Variants in F5 observed in about 807,000 individuals in gnomAD.
The protein encoded by F5 is coagulation factor V, also known as activated protein c cofactor.
Under a neutral mutation model 216.4 loss-of-function variants are expected in F5, and 138 were observed. The ratio of observed to expected loss-of-function variants is 0.64; its 90% confidence interval spans 0.56 to 0.73. The LOEUF (loss-of-function observed/expected upper bound fraction) is 0.73. F5 is among the 30% of genes least tolerant of loss of function. The pLI is 0.00. For missense variants in F5, 2,403 were observed against 2,674.0 expected (o/e 0.90, Z 2.24); for synonymous variants, 916 against 930.7 (o/e 0.98, Z 0.29).
In F5 at chr1:169,560,691, T is replaced by C. The variant is rs1295008658; in HGVS notation, c.449A>G (p.Tyr150Cys). The change falls in exon 4 of 25, where the codon TAT (tyrosine) becomes TGT (cysteine). Residue 150 changes from tyrosine (Y) to cysteine (C), a missense_variant. Tyr to Cys is a radical substitution (Grantham distance 194). This residue lies in a region of F5 where 1,425 missense variants were observed against 1,554.8 expected (regional missense o/e 0.92). Coordinates refer to ENST00000367797, the MANE Select transcript of F5 (RefSeq NM_000130.5). Reference protein sequence around the residue: ...DAVAPGREYTYEWSISEDSGP... With the variant: ...DAVAPGREYTCEWSISEDSGP... ...ACTGTCCTCACTGATACTCCATTCA[T>C]AGGTGTATTCTCGGCCTGGAGCCAC... 6.2e-7 allele frequency: 1 copy of C among 1,613,646 alleles called. No homozygotes were observed. Among genetic ancestry groups the C allele is most frequent in the Non-Finnish European group, 8.5e-7 (1 of 1,179,804 alleles).
intron 3 of F5, among the ~76,000 whole-genome samples, chr1:169,565,737 A>T (rs1660584343): frequency 1.3e-5 from 2 of 152,028 alleles, no homozygotes; most frequent in Admixed American, 1.3e-4. Context: ...TTCTTACTGG[A>T]CCAATTTTGT....
At chr1:169,521,096 G>T (rs1276267306) in intron 21 of F5, among the ~76,000 whole-genome samples, 1 of 152,128 alleles carries the variant, frequency 6.6e-6, no homozygotes, top group East Asian at 1.9e-4. Flanking sequence ...TCTAACCAAA[G>T]TACCAGTAAA....
rs1660330358 is a variant in F5, at chr1:169,556,431, A to AAAAAAAAAAAAAAAC, written c.952+214_952+215insGTTTTTTTTTTTTTT. Among the ~76,000 whole-genome samples the AAAAAAAAAAAAAAAC allele has an allele frequency of 1.3e-5, 2 of 148,540 alleles. 1 individual carries two copies. Among genetic ancestry groups the AAAAAAAAAAAAAAAC allele is most frequent in the Non-Finnish European group, 3.0e-5 (2 of 67,212 alleles). On this transcript the variant is annotated intron_variant, in intron 6 of 24. Transcript: ENST00000367797. ...TCTTTAGCTTTTGCTTAATTAAAAAAAAAAAAAAAACCTTTGCCAATTCCT... is the reference window on the plus strand; with the variant it reads ...TCTTTAGCTTTTGCTTAATTAAAAAAAAAAAAAAAAAAAACAAAAAAAAAACCTTTGCCAATTCCT...
intron 14 of F5, among the ~76,000 whole-genome samples, chr1:169,532,633 C>CACAA (rs1659615675): frequency 6.6e-6 from 1 of 151,982 alleles, no homozygotes; most frequent in South Asian, 2.1e-4. Context: ...AACATAGCCA[C>CACAA]ACACACATAC....
At position 169,528,103 on chromosome 1, in the gene F5, A is replaced by G. The variant is rs1169719642; in HGVS notation, c.5420-9T>C. On this transcript the variant is annotated splice_polypyrimidine_tract_variant and intron_variant, in intron 16 of 24. Coordinates refer to ENST00000367797, the MANE Select transcript of F5 (RefSeq NM_000130.5). ...GATCATCCCATTAATGGCTGAAAGG[A>G]CAAAGAGTTGAAATCAATTAAAAAT... 1 of 1,613,646 alleles carries G rather than the reference A, an allele frequency of 6.2e-7. No individual in the cohort carries two copies. Among genetic ancestry groups the G allele is most frequent in the Admixed American group, 1.7e-5 (1 of 59,974 alleles).
At chr1:169,528,370 C>G (rs1659507665) in intron 16 of F5, among the ~76,000 whole-genome samples, 1 of 152,204 alleles carries the variant, frequency 6.6e-6, no homozygotes, top group Non-Finnish European at 1.5e-5. Context: ...TCAGCTTTTA[C>G]AGTTCCGTGC....
chr1:169,529,508 G>T, intron 16 of F5, 100 bp downstream of exon 16: 1 of 1,102,374 alleles, frequency 9.1e-7, no homozygotes, highest in Non-Finnish European at 1.4e-6. Flanking sequence ...GGGTGTCTCA[G>T]AAGCATCTCA....
intron 1 of F5, 124 bp from the exon 2 acceptor site, chr1:169,582,646 T>G (rs1336258386): frequency 3.7e-6 from 2 of 533,958 alleles, no homozygotes; most frequent in Non-Finnish European, 6.8e-6. Flanking sequence ...TTATTGTATT[T>G]CAGAAGTCCA....
At chr1:169,524,929 A>G (rs939505186) in intron 18 of F5, 21 bp from the exon 19 acceptor site, 2 of 1,596,484 alleles carry the variant, frequency 1.3e-6, no homozygotes, top group Middle Eastern at 1.7e-4. Flanking sequence ...CAGAAAAAAA[A>G]TGAATAATTT....
At chr1:169,517,109 G>A (rs1478439868) in intron 23 of F5, among the ~76,000 whole-genome samples, 1 of 151,866 alleles carries the variant, frequency 6.6e-6, no homozygotes, top group Non-Finnish European at 1.5e-5. Context: ...AACTTCTCTG[G>A]GTGTCAGCTT....
intron 2 of F5, among the ~76,000 whole-genome samples, chr1:169,574,816 C>T (rs1360309049): frequency 3.9e-5 from 6 of 152,258 alleles, no homozygotes; most frequent in South Asian, 2.1e-4. Context: ...TTATACTACA[C>T]CTCCACCTTG....
chr1:169,573,245 G>GTCTAAGTGAAATGGAGCATT (rs1557931871), intron 2 of F5, among the ~76,000 whole-genome samples: 1 of 152,146 alleles, frequency 6.6e-6, no homozygotes, highest in Non-Finnish European at 1.5e-5. Context: ...ACCACGCCTC[G>GTCTAAGTGAAATGGAGCATT]TCTAAGTGAA....
chr1:169,581,082 G>T (rs1163400892), intron 2 of F5, among the ~76,000 whole-genome samples: 4 of 152,134 alleles, frequency 2.6e-5, no homozygotes, highest in Non-Finnish European at 5.9e-5. Flanking sequence ...TGAAAGCCTT[G>T]GTTTTGGGTG....
At chr1:169,530,285 A>C (rs1055560059) in intron 15 of F5, among the ~76,000 whole-genome samples, 2 of 152,210 alleles carry the variant, frequency 1.3e-5, no homozygotes, top group Non-Finnish European at 2.9e-5. Context: ...ACAGGGTAAA[A>C]ATTTAAATCT....
Position 169,541,275 on chromosome 1 carries a change from C to T in F5, c.3815G>A (p.Gly1272Asp), listed in dbSNP as rs761322324. The change falls in exon 13 of 25, where the codon GGT becomes GAT. Residue 1272 changes from glycine (G) to aspartate (D), a missense_variant. Physicochemically the swap from Gly to Asp is moderately conservative, Grantham distance 94 (BLOSUM62 -1). Coordinates refer to ENST00000367797, the MANE Select transcript of F5 (RefSeq NM_000130.5). ...LSQTNLSPAL[G>D]QMPLSPDLSH... is the part of the protein sequence containing the mutation. ...GAGGTCTGGAGAAAGGGGCATCTGACCGAGGGCTGGAGAAAGGTTTGTCTG... is the reference window on the plus strand; with the variant it reads ...GAGGTCTGGAGAAAGGGGCATCTGATCGAGGGCTGGAGAAAGGTTTGTCTG... 1 of 1,550,886 alleles carries T rather than the reference C, an allele frequency of 6.4e-7. No individual in the cohort carries two copies. The highest frequency in any genetic ancestry group is 8.8e-7 in the Non-Finnish European group (1 of 1,140,820).
intron 2 of F5, among the ~76,000 whole-genome samples, chr1:169,573,380 A>G (rs1423330730): frequency 6.6e-6 from 1 of 152,206 alleles, no homozygotes; most frequent in Non-Finnish European, 1.5e-5. Context: ...TAGTCTGTGT[A>G]GGGACAAGAA....
At chr1:169,556,925 C>A in intron 5 of F5, 58 bp from the exon 6 acceptor site, 1 of 1,464,360 alleles carries the variant, frequency 6.8e-7, no homozygotes, top group South Asian at 1.2e-5. Flanking sequence ...ACTCTGTGAT[C>A]AAACATTCAC....
chr1:169,557,407 T>G (rs1196339955), intron 5 of F5, among the ~76,000 whole-genome samples: 1 of 152,100 alleles, frequency 6.6e-6, no homozygotes, highest in Non-Finnish European at 1.5e-5. Flanking sequence ...GTGAAGATGA[T>G]ATGAGGATTT....
In F5 at chr1:169,546,699, G is replaced by C; in HGVS notation, c.1612-107C>G. The C allele has an allele frequency of 3.1e-6, 3 of 979,400 alleles. No individual in the cohort carries two copies. The South Asian group carries it at 4.0e-5, about 13-fold the overall frequency. 60.7% of individuals were successfully genotyped at this position (979,400 alleles called of 1,614,324 possible). A position where few individuals can be genotyped will look rare whatever the true frequency, so the allele number is the denominator to read the frequency against. On this transcript the variant is annotated intron_variant, in intron 10 of 24. Coordinates refer to ENST00000367797, the MANE Select transcript of F5 (RefSeq NM_000130.5). ...CTGCGCACCTACAACTATCTGATCT[G>C]TGACAAAAGCAAGCAATAGGGAAAG...
Sources: gnomAD v4.1 joint callset for allele counts (sites outside exome capture counted in the v4.1 genomes callset) on GRCh38, gnomAD v4.1.1 for gene constraint, gnomAD v4.1.1 regional missense constraint, MANE v1.5 for transcripts, NCBI Gene and HGNC (gene_info 2026-07-23, HGNC 2026-07-21) for gene names.